Variants in MYH7B observed in about 807,000 individuals in gnomAD.
MYH7B encodes myosin heavy chain 7B, also known as myosin-7B.
A neutral mutation model predicts 234.5 loss-of-function variants in MYH7B; 205 were observed. The observed-to-expected ratio is 0.87, with a 90% CI of 0.78 to 0.98. The LOEUF (loss-of-function observed/expected upper bound fraction) is 0.98. Ranked by LOEUF, MYH7B falls within the 50% of genes least tolerant of loss-of-function variation. The pLI, the probability that MYH7B is intolerant of heterozygous loss-of-function variation, is 0.00. For missense variants in MYH7B, 2,652 were observed against 2,633.4 expected (o/e 1.01, Z -0.15); for synonymous variants, 1,193 against 1,105.0 (o/e 1.08, Z -1.58).
intron 19 of MYH7B, among the ~76,000 whole-genome samples, chr20:34,989,351 G>A (rs761072640): frequency 3.9e-5 from 6 of 152,178 alleles, no homozygotes; most frequent in Non-Finnish European, 8.8e-5. Flanking sequence ...TAGTGATGTC[G>A]GAGGGCCCCA....
chr20:34,993,129 C>T lies in MYH7B; in HGVS notation c.2211C>T (p.Ile737=). Residue 737 remains isoleucine, a synonymous_variant, in exon 25 of 45, where the codon ATC becomes ATT. Coordinates refer to ENST00000262873, the Ensembl canonical transcript of MYH7B. Reference sequence around the variant, plus strand: ...ACCGTATCCTGAACCCCAGTGCCATCCCGGATGACACCTTCATGGACAGCA... The same window carrying T: ...ACCGTATCCTGAACCCCAGTGCCATTCCGGATGACACCTTCATGGACAGCA... 1.2e-6 allele frequency: 2 copies of T among 1,613,876 alleles called. No homozygotes were observed. Among genetic ancestry groups the T allele is most frequent in the East Asian group, 2.2e-5 (1 of 44,862 alleles).
rs772718235 is a variant in MYH7B, at chr20:34,989,854, C to T, written c.1702C>T (p.Gln568Ter). The T allele has an allele frequency of 6.2e-7, 1 of 1,614,224 alleles. No homozygotes were observed. Among genetic ancestry groups the T allele is most frequent in the Non-Finnish European group, 8.5e-7 (1 of 1,180,042 alleles). ...CGCGGGGAAGTCACCCAATTTCCAG[C>T]AGCCTCGGCCTGACAAGAAGCGCAA... The change falls in exon 20 of 45, where the codon CAG (glutamine) becomes TAG (stop). Residue 568 changes from glutamine (Q) to a stop codon, truncating the protein, a stop_gained. Transcript: ENST00000262873. LOFTEE classifies it high-confidence loss of function.
chr20:34,958,782 A>G (rs1264072611), intron 2 of MYH7B, among the ~76,000 whole-genome samples: 4 of 152,130 alleles, frequency 2.6e-5, no homozygotes, highest in Non-Finnish European at 4.4e-5. Context: ...TCTTCATAGC[A>G]GTTATTCATA....
At chr20:34,971,191 C>A (rs1248451347) in intron 2 of MYH7B, among the ~76,000 whole-genome samples, 1 of 152,198 alleles carries the variant, frequency 6.6e-6, no homozygotes, top group Non-Finnish European at 1.5e-5. Flanking sequence ...CAAGCAAGGA[C>A]CTGCCTCTCT....
At chr20:34,999,035 T>C in intron 35 of MYH7B, 21 bp from the exon 36 acceptor site, 1 of 1,599,362 alleles carries the variant, frequency 6.3e-7, no homozygotes, top group Non-Finnish European at 8.5e-7. Flanking sequence ...GGTCCACACC[T>C]TGTCTGGTTC....
chr20:34,984,902 T>G, exon 12 of MYH7B: 1 of 1,614,038 alleles, frequency 6.2e-7, no homozygotes, highest in Non-Finnish European at 8.5e-7. Flanking sequence ...CATGGAGGCC[T>G]TTGGCAACGC....
chr20:34,990,923 G>C, intron 23 of MYH7B, 81 bp from the exon 24 acceptor site: 8 of 1,560,290 alleles, frequency 5.1e-6, no homozygotes, highest in Non-Finnish European at 7.1e-6. Context: ...CCCTCACCTC[G>C]CAGGGTCTCC....
chr20:34,990,691 G>A (rs2082129866), intron 22 of MYH7B, 47 bp from the exon 23 acceptor site: 1 of 1,583,758 alleles, frequency 6.3e-7, no homozygotes, highest in East Asian at 2.2e-5. Flanking sequence ...TCCAATTCTG[G>A]TTCTCTGCCC....
Position 34,988,806 on chromosome 20 carries a change from C to CCTTTTTTTTTTTTTTTTTT in MYH7B, c.1587+544_1587+545insCTTTTTTTTTTTTTTTTTT, listed in dbSNP as rs1569046104. ...TTCATTTCCTCGAAATCCTTTATCCCTTTTTTTTTTTTTTTTTTTTTGAGA... is the reference window on the plus strand; with the variant it reads ...TTCATTTCCTCGAAATCCTTTATCCCCTTTTTTTTTTTTTTTTTTTTTTTTTTTTTTTTTTTTTTTGAGA... On this transcript the variant is annotated intron_variant, in intron 19 of 44. Transcript: ENST00000262873. 1.8e-5 allele frequency among the ~76,000 whole-genome samples: 2 copies of CCTTTTTTTTTTTTTTTTTT among 113,234 alleles called. 1 individual carries two copies. Among genetic ancestry groups the CCTTTTTTTTTTTTTTTTTT allele is most frequent in the Non-Finnish European group, 3.5e-5 (2 of 56,438 alleles). The allele number at this position is 113,234 out of a possible 152,430, so 74.3% of individuals were successfully genotyped here.
chr20:34,991,756 C>T lies in MYH7B; in HGVS notation c.2183+635C>T, dbSNP rs1600453417. On this transcript the variant is annotated intron_variant, in intron 24 of 44. Transcript: ENST00000262873. ...CAAGCATCCATCGTTCCTTCTCCCT[C>T]CAGAAGTCATGGTGTCATCCACACT... 2.0e-5 allele frequency among the ~76,000 whole-genome samples: 3 copies of T among 152,286 alleles called. No individual in the cohort carries two copies. The South Asian group carries it at 6.2e-4, about 32-fold the overall frequency.
At chr20:34,999,192 A>C (rs1600473853) in exon 36 of MYH7B, 1 of 1,613,052 alleles carries the variant, frequency 6.2e-7, no homozygotes, top group Non-Finnish European at 8.5e-7. Context: ...GGAGCGGGCG[A>C]CCTCAGCAGC....
intron 26 of MYH7B, 90 bp downstream of exon 26, chr20:34,993,560 C>A: frequency 2.2e-6 from 3 of 1,373,378 alleles, no homozygotes; most frequent in Non-Finnish European, 1.9e-6. Context: ...ACATGCTGCC[C>A]TGTAGTCAGA....
At chr20:35,000,825 G>C in exon 40 of MYH7B, 2 of 1,613,842 alleles carry the variant, frequency 1.2e-6, no homozygotes, top group African/African-American at 1.3e-5. Context: ...CCAGCTGAGC[G>C]GGGAGGTGGA....
rs1326371891 is a variant in MYH7B, at chr20:34,977,680, G to A, written c.-73G>A. 2 of 1,541,454 alleles carry A rather than the reference G, an allele frequency of 1.3e-6. No individual in the cohort carries two copies. Among genetic ancestry groups the A allele is most frequent in the African/African-American group, 2.8e-5 (2 of 72,360 alleles). ...CTTCCTGCCCTCACCGTGGTGCCGA[G>A]GTAGGTGATCAGGGCTGGGGTTGGA... is the stretch of plus-strand genomic sequence containing the variant. On this transcript the variant is annotated splice_region_variant and 5_prime_UTR_variant, in exon 4 of 45. It adds an upstream start codon to the 5' untranslated region. Transcript: ENST00000262873.
At chr20:34,993,373 C>G (rs1214965699) in exon 26 of MYH7B, 1 of 1,613,904 alleles carries the variant, frequency 6.2e-7, no homozygotes, top group Non-Finnish European at 8.5e-7. Flanking sequence ...CCTGGAAGAG[C>G]TCCGTGACCA....
At chr20:34,977,150 C>T (rs2081867667) in intron 3 of MYH7B, among the ~76,000 whole-genome samples, 1 of 149,278 alleles carries the variant, frequency 6.7e-6, no homozygotes, top group South Asian at 2.1e-4. Context: ...CTCCTTCTCT[C>T]TCCTTCTCTT....
At chr20:34,982,705 C>T in intron 10 of MYH7B, 150 bp downstream of exon 10, 1 of 681,668 alleles carries the variant, frequency 1.5e-6, no homozygotes, top group Non-Finnish European at 2.4e-6. Flanking sequence ...GTGGGGGACT[C>T]TGGCCTGAGC....
chr20:34,963,886 C>A (rs2081720386), intron 2 of MYH7B, among the ~76,000 whole-genome samples: 1 of 152,182 alleles, frequency 6.6e-6, no homozygotes, highest in East Asian at 1.9e-4. Context: ...TTGCTTTTCT[C>A]TTTCAGTGTT....
intron 10 of MYH7B, among the ~76,000 whole-genome samples, 195 bp downstream of exon 10, chr20:34,982,750 C>T (rs1026999082): frequency 5.3e-5 from 8 of 152,110 alleles, no homozygotes; most frequent in African/African-American, 1.4e-4. Flanking sequence ...CCACCTGACG[C>T]GCCTGCCTTC....
Sources: allele counts gnomAD v4.1 joint callset (sites outside exome capture counted in the v4.1 genomes callset), GRCh38; gene constraint gnomAD v4.1.1; transcripts MANE v1.5; gene names NCBI Gene and HGNC (gene_info 2026-07-23, HGNC 2026-07-21).